ULK4: variants seen among roughly 807,000 people sequenced by gnomAD.
ULK4 encodes the protein inactive serine/threonine-protein kinase ULK4.
Under a neutral mutation model 160.6 loss-of-function variants are expected in ULK4, and 133 were observed. The observed-to-expected ratio is 0.83, with a 90% CI of 0.72 to 0.96. ULK4 has a LOEUF of 0.96. ULK4 is among the 40% of genes least tolerant of loss of function. The pLI is 0.00. For missense variants in ULK4, 1,580 were observed against 1,499.5 expected (o/e 1.05, Z -0.89); for synonymous variants, 534 against 539.8 (o/e 0.99, Z 0.15).
chr3:41,393,672 C>G (rs918214390), intron 35 of ULK4, among the ~76,000 whole-genome samples: 5 of 152,166 alleles, frequency 3.3e-5, no homozygotes, highest in Admixed American at 2.0e-4. Context: ...AAGATCATGT[C>G]TTACTGTTTC....
chr3:41,327,737 C>A (rs923345347), intron 35 of ULK4, among the ~76,000 whole-genome samples: 1 of 152,122 alleles, frequency 6.6e-6, no homozygotes, highest in Non-Finnish European at 1.5e-5. Context: ...TGTATTTATG[C>A]GGCGCCATCC....
At chr3:41,365,805 C>T (rs2081242853) in intron 35 of ULK4, among the ~76,000 whole-genome samples, 1 of 151,862 alleles carries the variant, frequency 6.6e-6, no homozygotes, top group Admixed American at 6.6e-5. Flanking sequence ...TTCACCTACC[C>T]CAATGGAAAG....
intron 32 of ULK4, among the ~76,000 whole-genome samples, chr3:41,469,902 A>C (rs2083933622): frequency 6.6e-6 from 1 of 150,848 alleles, no homozygotes; most frequent in Non-Finnish European, 1.5e-5. Flanking sequence ...ATCCAATCAG[A>C]GCTGCAAATA....
chr3:41,857,053 G>T (rs1224573322), intron 17 of ULK4, among the ~76,000 whole-genome samples: 1 of 152,106 alleles, frequency 6.6e-6, no homozygotes, highest in African/African-American at 2.4e-5. Flanking sequence ...CTTTGTGCAA[G>T]AGGGTTTGTA....
rs1490179418 is a variant in ULK4, at chr3:41,284,113, T to C, written c.3679-34539A>G. On this transcript the variant is annotated intron_variant, in intron 35 of 36. Coordinates refer to ENST00000301831, the MANE Select transcript of ULK4 (RefSeq NM_017886.4). ...TGGAAATACATCCCATGCTCACGGA[T>C]GGTGAGAATCCATCAATGTGTCAAT... Among the ~76,000 whole-genome samples, 4 of 152,254 alleles carry C rather than the reference T, an allele frequency of 2.6e-5. No homozygotes were observed. In the East Asian group the frequency reaches 7.7e-4, roughly 29 times the overall value.
chr3:41,247,136 C>T (rs78306021), intron 36 of ULK4, 144 bp from the exon 37 acceptor site: 14,452 of 818,458 alleles, frequency 0.018, 223 homozygotes, highest in South Asian at 0.05. Flanking sequence ...AGCAGGAAAT[C>T]CTGGCCCACA....
At chr3:41,787,151 C>A (rs1416615785) in intron 21 of ULK4, among the ~76,000 whole-genome samples, 1 of 152,166 alleles carries the variant, frequency 6.6e-6, no homozygotes, top group Non-Finnish European at 1.5e-5. Context: ...GGAGCCTAGA[C>A]TTCCAACCTC....
chr3:41,857,554 T>C (rs1023765099), intron 17 of ULK4, among the ~76,000 whole-genome samples: 1 of 152,154 alleles, frequency 6.6e-6, no homozygotes, highest in African/African-American at 2.4e-5. Context: ...TGGTTCTGCT[T>C]TAAATGTTAG....
At chr3:41,427,922 G>A (rs1298979572) in intron 34 of ULK4, among the ~76,000 whole-genome samples, 2 of 152,070 alleles carry the variant, frequency 1.3e-5, no homozygotes, top group Non-Finnish European at 2.9e-5. Context: ...TCTGGCCAGG[G>A]CAATCAAGCA....
intron 32 of ULK4, among the ~76,000 whole-genome samples, chr3:41,521,594 A>T (rs1202486387): frequency 6.6e-6 from 1 of 152,178 alleles, no homozygotes; most frequent in East Asian, 1.9e-4. Context: ...CTCATGTAAA[A>T]CAGGTGATAC....
At chr3:41,313,552 G>A (rs772264264) in intron 35 of ULK4, among the ~76,000 whole-genome samples, 1 of 151,888 alleles carries the variant, frequency 6.6e-6, no homozygotes, top group Non-Finnish European at 1.5e-5. Context: ...TTATTCCTCT[G>A]TCTTCTTTGG....
intron 22 of ULK4, among the ~76,000 whole-genome samples, chr3:41,736,470 T>G (rs1358197294): frequency 6.6e-6 from 1 of 151,984 alleles, no homozygotes; most frequent in African/African-American, 2.4e-5. Flanking sequence ...TCATGTGTGT[T>G]TTGGCTGCAT....
At chr3:41,529,198 A>G (rs369214343) in intron 32 of ULK4, among the ~76,000 whole-genome samples, 235 of 152,252 alleles carry the variant, frequency 1.5e-3, no homozygotes, top group African/African-American at 5.3e-3. Flanking sequence ...TTAAAGTTCA[A>G]TTTTTTGGAG....
intron 34 of ULK4, among the ~76,000 whole-genome samples, chr3:41,441,589 G>A (rs201064487): frequency 1.3e-5 from 2 of 151,846 alleles, no homozygotes; most frequent in Non-Finnish European, 2.9e-5. Flanking sequence ...ATATTCTTAA[G>A]TTTGAGGCTT....
intron 19 of ULK4, among the ~76,000 whole-genome samples, chr3:41,809,197 A>C (rs1012376096): frequency 3.3e-5 from 5 of 150,480 alleles, no homozygotes; most frequent in African/African-American, 4.8e-5. Context: ...ACAAAAAAAA[A>C]CAAAAAAGAA....
intron 34 of ULK4, among the ~76,000 whole-genome samples, chr3:41,412,553 ATTTTT>A (rs57224854): frequency 0.28 from 28,481 of 100,108 alleles, 3,393 homozygotes; most frequent in South Asian, 0.39. Flanking sequence ...ATGCAGTTGA[ATTTTT>A]TTTTTTTTTT....
chr3:41,614,874 G>A (rs1429584814), intron 31 of ULK4, among the ~76,000 whole-genome samples: 3 of 152,176 alleles, frequency 2.0e-5, no homozygotes, highest in African/African-American at 7.2e-5. Flanking sequence ...GATGACCAAG[G>A]TAAGTTAGGC....
At chr3:41,860,772 GGTT>G (rs2042481698) in intron 17 of ULK4, among the ~76,000 whole-genome samples, 1 of 150,978 alleles carries the variant, frequency 6.6e-6, no homozygotes, top group South Asian at 2.1e-4. Flanking sequence ...TTTGTTTTCT[GGTT>G]GTTTTGTGAT....
At chr3:41,618,795 G>C (rs184518015) in intron 30 of ULK4, among the ~76,000 whole-genome samples, 8 of 152,130 alleles carry the variant, frequency 5.3e-5, no homozygotes, top group Admixed American at 5.2e-4. Flanking sequence ...AAATGTAAAA[G>C]GGTTCAATGC....
Sources: gnomAD v4.1 joint callset for allele counts (sites outside exome capture counted in the v4.1 genomes callset) on GRCh38, gnomAD v4.1.1 for gene constraint, MANE v1.5 for transcripts, NCBI Gene and HGNC (gene_info 2026-07-23, HGNC 2026-07-21) for gene names.